PTPRD: variants seen among roughly 807,000 people sequenced by gnomAD.
PTPRD encodes protein tyrosine phosphatase receptor type D, also known as receptor-type tyrosine-protein phosphatase delta.
PTPRD carries 34 observed loss-of-function variants against 214.5 expected under a neutral mutation model. The ratio of observed to expected loss-of-function variants is 0.16; its 90% confidence interval spans 0.12 to 0.21. The LOEUF (loss-of-function observed/expected upper bound fraction) is 0.21. Ranked by LOEUF, PTPRD falls within the 10% of genes least tolerant of loss-of-function variation. The probability of loss-of-function intolerance (pLI) is 1.00; values close to 1 mark genes in which losing one functional copy is unlikely to be tolerated. For synonymous variants in PTPRD, 1,128 were observed against 845.7 expected (o/e 1.33, Z -5.79); for missense variants, 2,545 against 2,398.7 (o/e 1.06, Z -1.27).
rs192390358 is a variant in PTPRD at position 9,248,105 on chromosome 9, T to A, written c.-202-64742A>T. Among the ~76,000 whole-genome samples, 18 of 152,012 alleles carry A rather than the reference T, an allele frequency of 1.2e-4. No individual in the cohort carries two copies. In the East Asian group the frequency reaches 1.4e-3, roughly 11 times the overall value. ...TAAGTTATCTATTATTATTTTTTTT[T>A]AATTTGAGACAGGGTCTCACTCTGT... On this transcript the variant is annotated intron_variant, in intron 9 of 45. Coordinates refer to ENST00000381196, the MANE Select transcript of PTPRD (RefSeq NM_002839.4).
chr9:9,339,225 C>G (rs530485122), intron 9 of PTPRD, among the ~76,000 whole-genome samples: 1 of 152,090 alleles, frequency 6.6e-6, no homozygotes, highest in African/African-American at 2.4e-5. Context: ...TGCCCGTAAT[C>G]CCAGCACTTT....
chr9:10,609,951 C>A (rs372491347), intron 2 of PTPRD, among the ~76,000 whole-genome samples: 2 of 152,070 alleles, frequency 1.3e-5, no homozygotes, highest in African/African-American at 4.8e-5. Context: ...AGGTATACAG[C>A]ACTTTATTAG....
intron 11 of PTPRD, among the ~76,000 whole-genome samples, chr9:8,937,710 C>T (rs1304893367): frequency 6.6e-6 from 1 of 152,192 alleles, no homozygotes; most frequent in African/African-American, 2.4e-5. Flanking sequence ...AGCCTTCCTC[C>T]TCCTTCTTAC....
intron 8 of PTPRD, among the ~76,000 whole-genome samples, chr9:9,557,247 C>T (rs1338444956): frequency 2.0e-5 from 3 of 152,144 alleles, no homozygotes; most frequent in African/African-American, 7.2e-5. Context: ...GGTGTCCAGA[C>T]ATACCTAAAT....
At chr9:9,812,286 A>G (rs1442711414) in intron 5 of PTPRD, among the ~76,000 whole-genome samples, 1 of 152,186 alleles carries the variant, frequency 6.6e-6, no homozygotes, top group Non-Finnish European at 1.5e-5. Flanking sequence ...TGAACCTGTA[A>G]TACCTCAAAG....
At chr9:9,758,507 G>T (rs1017272310) in intron 6 of PTPRD, among the ~76,000 whole-genome samples, 1 of 152,122 alleles carries the variant, frequency 6.6e-6, no homozygotes, top group Non-Finnish European at 1.5e-5. Flanking sequence ...CCAAATGATT[G>T]TGAGAGAGGC....
intron 5 of PTPRD, among the ~76,000 whole-genome samples, chr9:9,817,410 T>C (rs996989651): frequency 6.6e-6 from 1 of 152,170 alleles, no homozygotes; most frequent in African/African-American, 2.4e-5. Context: ...TGGAAGTAAG[T>C]TGGTTATTTA....
chr9:9,381,720 TTTTG>T (rs2062347512), intron 9 of PTPRD, among the ~76,000 whole-genome samples: 2 of 88,378 alleles, frequency 2.3e-5, no homozygotes, highest in East Asian at 5.5e-4. Context: ...TTTTGTTTTT[TTTTG>T]TTTGTTTTTT....
Position 9,563,712 on chromosome 9 carries a change from T to G in PTPRD, c.-237+11020A>C, listed in dbSNP as rs2154294371. On this transcript the variant is annotated intron_variant, in intron 8 of 45. Coordinates refer to ENST00000381196, the MANE Select transcript of PTPRD (RefSeq NM_002839.4). Reference sequence around the variant, plus strand: ...ATAAACAAAACCATAAAGCTTCCATTAAGTAATATCCCATGCATCCAATAT... The same window carrying G: ...ATAAACAAAACCATAAAGCTTCCATGAAGTAATATCCCATGCATCCAATAT... Among the ~76,000 whole-genome samples the G allele has an allele frequency of 2.0e-5, 3 of 152,288 alleles. 1 individual carries two copies. The South Asian group carries it at 6.2e-4, about 32-fold the overall frequency.
intron 9 of PTPRD, among the ~76,000 whole-genome samples, chr9:9,349,351 C>G (rs1240665812): frequency 6.6e-6 from 1 of 152,094 alleles, no homozygotes; most frequent in Non-Finnish European, 1.5e-5. Flanking sequence ...CACCACACCT[C>G]CAACCCCCAT....
In PTPRD at chr9:9,793,813, T is replaced by C. The variant is rs561442913; in HGVS notation, c.-367-26962A>G. ...CCAAATTCCAGTTAACTTTAATAAA[T>C]GGACAAAAAGTATAAAATAGTAACA... On this transcript the variant is annotated intron_variant, in intron 5 of 45. Transcript: ENST00000381196. Among the ~76,000 whole-genome samples the C allele has an allele frequency of 1.3e-3, 193 of 152,142 alleles. 1 individual carries two copies. The highest frequency in any genetic ancestry group is 4.4e-3 in the African/African-American group (184 of 41,540).
intron 8 of PTPRD, among the ~76,000 whole-genome samples, chr9:9,468,476 C>A (rs2094373682): frequency 6.6e-6 from 1 of 152,022 alleles, no homozygotes; most frequent in African/African-American, 2.4e-5. Flanking sequence ...TCCTAGTCTT[C>A]CAAATATCTT....
chr9:9,425,126 T>C lies in PTPRD; in HGVS notation c.-236-27644A>G, dbSNP rs1355331174. Reference sequence around the variant, plus strand: ...GACTGTCTAATCATGACAGACCATATGAAGAGAGTAAGAGGCCATATGGAG... The same window carrying C: ...GACTGTCTAATCATGACAGACCATACGAAGAGAGTAAGAGGCCATATGGAG... On this transcript the variant is annotated intron_variant, in intron 8 of 45. Transcript: ENST00000381196. Among the ~76,000 whole-genome samples the C allele has an allele frequency of 3.3e-5, 5 of 152,132 alleles. No homozygotes were observed. The East Asian group carries it at 7.7e-4, about 24-fold the overall frequency.
At chr9:8,458,681 G>C (rs1043186530) in intron 33 of PTPRD, among the ~76,000 whole-genome samples, 6 of 152,076 alleles carry the variant, frequency 3.9e-5, no homozygotes, top group African/African-American at 1.4e-4. Flanking sequence ...ATTACTCACG[G>C]GGCAGGTGTG....
At chr9:8,514,972 A>C (rs1233918362) in intron 21 of PTPRD, among the ~76,000 whole-genome samples, 3 of 152,148 alleles carry the variant, frequency 2.0e-5, no homozygotes, top group Non-Finnish European at 4.4e-5. Context: ...CACCATGTGG[A>C]GAAGGTCCTT....
chr9:8,887,308 A>T (rs762046105), intron 11 of PTPRD, among the ~76,000 whole-genome samples: 34 of 152,210 alleles, frequency 2.2e-4, no homozygotes, highest in Non-Finnish European at 4.7e-4. Flanking sequence ...AGACATGCAC[A>T]GATCATTTTA....
At chr9:10,467,156 A>C (rs2099000314) in intron 2 of PTPRD, among the ~76,000 whole-genome samples, 1 of 152,210 alleles carries the variant, frequency 6.6e-6, no homozygotes, top group Admixed American at 6.5e-5. Flanking sequence ...CAATGTTAAC[A>C]GAGTACAGTG....
At chr9:10,073,912 T>C (rs976416594) in intron 3 of PTPRD, among the ~76,000 whole-genome samples, 5 of 152,164 alleles carry the variant, frequency 3.3e-5, no homozygotes, top group Admixed American at 1.3e-4. Flanking sequence ...GTTTATAAAT[T>C]GTATGGACTG....
intron 12 of PTPRD, among the ~76,000 whole-genome samples, chr9:8,660,158 C>T (rs907625): frequency 0.66 from 100,362 of 151,978 alleles, 33,468 homozygotes; most frequent in East Asian, 0.87. Context: ...ATATTAACCA[C>T]ATTTGGTTGA....
Sources: allele counts gnomAD v4.1 joint callset (sites outside exome capture counted in the v4.1 genomes callset), GRCh38; gene constraint gnomAD v4.1.1; transcripts MANE v1.5; gene names NCBI Gene and HGNC (gene_info 2026-07-23, HGNC 2026-07-21).